Variants in JAKMIP1 observed in about 807,000 individuals in gnomAD.
The protein encoded by JAKMIP1 is janus kinase and microtubule interacting protein 1.
Under a neutral mutation model 113.0 loss-of-function variants are expected in JAKMIP1, and 33 were observed. That is an observed-to-expected ratio of 0.29 (90% confidence interval 0.22 to 0.39). The LOEUF (loss-of-function observed/expected upper bound fraction) is 0.39, where lower values mean the gene tolerates loss of function less well. Ranked by LOEUF, JAKMIP1 falls within the 10% of genes least tolerant of loss-of-function variation. JAKMIP1 has a pLI of 1.00. For synonymous variants in JAKMIP1, 480 were observed against 459.9 expected (o/e 1.04, Z -0.56); for missense variants, 813 against 1,080.5 (o/e 0.75, Z 3.47).
chr4:6,067,796 ACG>A lies in JAKMIP1; in HGVS notation c.1303-2790_1303-2789del, dbSNP rs1356081785. On this transcript the variant is annotated intron_variant, in intron 8 of 20. Transcript: ENST00000409021. This position sits in a 1 kb window ranked among gnomAD's most constrained non-coding sequence, Gnocchi z 4.6. ...CACGTTCACTCAAGCTCTTCTGCAC[ACG>A]CAGGTCACCCCCCTGAGCTCCACGT... 5.2e-5 allele frequency among the ~76,000 whole-genome samples: 7 copies of A among 134,816 alleles called. No individual in the cohort carries two copies. The highest frequency in any genetic ancestry group is 2.5e-4 in the South Asian group (1 of 3,982). 88.4% of individuals were successfully genotyped at this position (134,816 alleles called of 152,430 possible).
chr4:6,057,597 G>A (rs749932991), intron 11 of JAKMIP1, among the ~76,000 whole-genome samples: 41 of 152,210 alleles, frequency 2.7e-4, no homozygotes, highest in Non-Finnish European at 2.2e-4. Flanking sequence ...ACCAGGCTGC[G>A]AGCACCTGTG....
chr4:6,117,089 G>A (rs1164280636), intron 1 of JAKMIP1, among the ~76,000 whole-genome samples: 1 of 152,222 alleles, frequency 6.6e-6, no homozygotes, highest in African/African-American at 2.4e-5. Context: ...GGACAGCACA[G>A]CTCGTGTGCC....
chr4:6,190,296 T>A (rs968426248), intron 1 of JAKMIP1, among the ~76,000 whole-genome samples: 2 of 152,190 alleles, frequency 1.3e-5, no homozygotes, highest in Non-Finnish European at 2.9e-5. Flanking sequence ...CAGATTAACA[T>A]ATCTCTATCT....
In JAKMIP1 at chr4:6,106,931, A is replaced by G. The variant is rs1714057543; in HGVS notation, c.130-964T>C. 6.6e-6 allele frequency among the ~76,000 whole-genome samples: 1 copy of G among 152,176 alleles called. No homozygotes were observed. Among genetic ancestry groups the G allele is most frequent in the Non-Finnish European group, 1.5e-5 (1 of 68,032 alleles). On this transcript the variant is annotated intron_variant, in intron 2 of 20. Transcript: ENST00000409021. This position sits in a 1 kb window ranked among gnomAD's most constrained non-coding sequence, Gnocchi z 5.9. ...TGTTTTTCCCCAGACCACACTGTTG[A>G]TAGCATAGTCACATGTTAAAATTAA...
At position 6,192,559 on chromosome 4, in the gene JAKMIP1, G is replaced by A. The variant is rs958161304; in HGVS notation, c.-148+7694C>T. ...ACATTCTCTTTATTTCACAAAAGAAGGAAGTGAAGCTCAGAAAGATGAAGG... is the reference window on the plus strand; with the variant it reads ...ACATTCTCTTTATTTCACAAAAGAAAGAAGTGAAGCTCAGAAAGATGAAGG... On this transcript the variant is annotated intron_variant, in intron 1 of 20. Coordinates refer to ENST00000409021, the MANE Select transcript of JAKMIP1 (RefSeq NM_001099433.2). The surrounding 1 kb of genome is among the most constrained non-coding windows in gnomAD (Gnocchi z 5.0). Among the ~76,000 whole-genome samples, 1 of 152,180 alleles carries A rather than the reference G, an allele frequency of 6.6e-6. No homozygotes were observed. Among genetic ancestry groups the A allele is most frequent in the Non-Finnish European group, 1.5e-5 (1 of 68,036 alleles).
chr4:6,109,560 G>T (rs1018566734), intron 2 of JAKMIP1, among the ~76,000 whole-genome samples: 1 of 151,904 alleles, frequency 6.6e-6, no homozygotes, highest in Admixed American at 6.6e-5. Flanking sequence ...TGTGCCCAGG[G>T]CTGCTGTATT....
intron 1 of JAKMIP1, among the ~76,000 whole-genome samples, chr4:6,190,500 C>T (rs1415118754): frequency 1.3e-5 from 2 of 152,168 alleles, no homozygotes; most frequent in Non-Finnish European, 2.9e-5. Flanking sequence ...CCGCCACTGC[C>T]ATTTCCACCT....
chr4:6,054,714 G>A (rs556050412), intron 12 of JAKMIP1: 90 of 456,512 alleles, frequency 2.0e-4, no homozygotes, highest in African/African-American at 6.6e-4. Context: ...GCTGGGAGAC[G>A]CTGGATCACT....
intron 1 of JAKMIP1, among the ~76,000 whole-genome samples, chr4:6,115,315 CAGG>C (rs1162375652): frequency 6.6e-6 from 1 of 152,212 alleles, no homozygotes. Context: ...GAGGCTGAGA[CAGG>C]AGAATTGCTT....
At chr4:6,056,655 C>A in intron 12 of JAKMIP1, 42 bp downstream of exon 12, 1 of 1,545,418 alleles carries the variant, frequency 6.5e-7, no homozygotes, top group Non-Finnish European at 8.9e-7. Context: ...GGGGTCCCAA[C>A]TGCCCTGCGG....
At chr4:6,096,068 G>A (rs1454205079) in intron 3 of JAKMIP1, among the ~76,000 whole-genome samples, 1 of 152,168 alleles carries the variant, frequency 6.6e-6, no homozygotes, top group Non-Finnish European at 1.5e-5. Flanking sequence ...AAGAACCAGC[G>A]GTGCAAAGAT....
rs1006706247 is a variant in JAKMIP1 at position 6,132,845 on chromosome 4, G to A, written c.-147-19848C>T. Among the ~76,000 whole-genome samples the A allele has an allele frequency of 7.2e-5, 11 of 152,152 alleles. No individual in the cohort carries two copies. In the Middle Eastern group the frequency reaches 0.01, roughly 141 times the overall value. Reference sequence around the variant, plus strand: ...GATCAAAAAACAAGGCACAACTTGTGTTATTTGTTTCTGTGCTACAAGAAA... The same window carrying A: ...GATCAAAAAACAAGGCACAACTTGTATTATTTGTTTCTGTGCTACAAGAAA... On this transcript the variant is annotated intron_variant, in intron 1 of 20. Coordinates refer to ENST00000409021, the MANE Select transcript of JAKMIP1 (RefSeq NM_001099433.2).
chr4:6,123,916 C>A (rs575636633), intron 1 of JAKMIP1, among the ~76,000 whole-genome samples: 1 of 152,226 alleles, frequency 6.6e-6, no homozygotes, highest in Non-Finnish European at 1.5e-5. Context: ...TAACAAGGTG[C>A]TTGCTGTCTC....
chr4:6,033,514 T>G (rs926606688), intron 19 of JAKMIP1, among the ~76,000 whole-genome samples: 2 of 152,208 alleles, frequency 1.3e-5, no homozygotes, highest in African/African-American at 4.8e-5. Flanking sequence ...TGTGAGCACT[T>G]TAGATAAATT....
At chr4:6,056,893 C>T (rs16838135) in intron 11 of JAKMIP1, 134 bp from the exon 12 acceptor site, 94,458 of 672,712 alleles carry the variant, frequency 0.14, 8,843 homozygotes, top group African/African-American at 0.35. Flanking sequence ...CCGTGATGTG[C>T]CCTCATTGTC....
intron 12 of JAKMIP1, chr4:6,054,690 G>C: frequency 2.2e-6 from 1 of 455,644 alleles, no homozygotes; most frequent in Non-Finnish European, 4.4e-6. Flanking sequence ...GACACCGCCT[G>C]CATCCCAGAC....
chr4:6,182,126 C>G (rs1726095016), intron 1 of JAKMIP1, among the ~76,000 whole-genome samples: 1 of 151,968 alleles, frequency 6.6e-6, no homozygotes, highest in South Asian at 2.1e-4. Flanking sequence ...TAAGAAGGGA[C>G]AGGAAACCAG....
rs1316536384 is a variant in JAKMIP1, at chr4:6,050,080, C to T, written c.1909-208G>A. Among the ~76,000 whole-genome samples the T allele has an allele frequency of 6.6e-6, 1 of 152,218 alleles. No homozygotes were observed. The highest frequency in any genetic ancestry group is 1.5e-5 in the Non-Finnish European group (1 of 68,044). On this transcript the variant is annotated intron_variant, in intron 14 of 20. Coordinates refer to ENST00000409021, the MANE Select transcript of JAKMIP1 (RefSeq NM_001099433.2). This position sits in a 1 kb window ranked among gnomAD's most constrained non-coding sequence, Gnocchi z 7.4. ...GCTGAGTGTTACACCAGCACAAACACTGCTTTCTAGAAAGGCCATGGAAGC... is the reference window on the plus strand; with the variant it reads ...GCTGAGTGTTACACCAGCACAAACATTGCTTTCTAGAAAGGCCATGGAAGC...
At chr4:6,166,228 C>G (rs917195618) in intron 1 of JAKMIP1, among the ~76,000 whole-genome samples, 6 of 152,216 alleles carry the variant, frequency 3.9e-5, no homozygotes. Context: ...CATGTAAAAG[C>G]CAACCTATCT....
Sources: gnomAD v4.1 joint callset for allele counts (sites outside exome capture counted in the v4.1 genomes callset) on GRCh38, gnomAD v4.1.1 for gene constraint, Gnocchi (gnomAD v3.1) non-coding constraint, MANE v1.5 for transcripts, NCBI Gene and HGNC (gene_info 2026-07-23, HGNC 2026-07-21) for gene names.